The following ADAMTSL1 variants were observed in gnomAD, a reference collection of about 807,000 sequenced individuals.
The protein encoded by ADAMTSL1 is ADAMTS-like protein 1.
In ADAMTSL1, 126 loss-of-function variants were observed where a neutral mutation model predicts 201.8. The ratio of observed to expected loss-of-function variants is 0.62; its 90% CI spans 0.54 to 0.72. The LOEUF is 0.72. Among genes scored for constraint, ADAMTSL1 ranks in the 30% least tolerant of loss-of-function variants. ADAMTSL1 has a pLI of 0.00. For missense variants in ADAMTSL1, 2,679 were observed against 2,277.8 expected, an observed-to-expected ratio of 1.18 and a Z score of -3.59; for synonymous variants, 1,121 against 903.4, an observed-to-expected ratio of 1.24 and a Z score of -4.32.
At chr9:18,325,898 G>A (rs112166568) in intron 2 of ADAMTSL1, among the ~76,000 whole-genome samples, 6,055 of 152,164 alleles carry the variant, frequency 0.04, 408 homozygotes, top group African/African-American at 0.14. Flanking sequence ...GCACCACTAC[G>A]CCTGGCTAAT....
At chr9:18,177,721 G>A (rs755730938) in intron 2 of ADAMTSL1, among the ~76,000 whole-genome samples, 1 of 152,104 alleles carries the variant, frequency 6.6e-6, no homozygotes, top group Non-Finnish European at 1.5e-5. Context: ...GCTTGTAAGA[G>A]ATCTTCCGGT....
intron 7 of ADAMTSL1, among the ~76,000 whole-genome samples, chr9:18,654,435 G>A (rs538603719): frequency 6.6e-6 from 1 of 152,292 alleles, no homozygotes; most frequent in African/African-American, 2.4e-5. Flanking sequence ...TAATTCAATT[G>A]TGTGTTCATT....
At chr9:18,293,400 A>T (rs547391025) in intron 2 of ADAMTSL1, among the ~76,000 whole-genome samples, 1 of 152,234 alleles carries the variant, frequency 6.6e-6, no homozygotes, top group Non-Finnish European at 1.5e-5. Context: ...GGCATATGTC[A>T]TCAAGAACTG....
chr9:18,612,737 C>G (rs529456093), intron 4 of ADAMTSL1, among the ~76,000 whole-genome samples: 6 of 152,274 alleles, frequency 3.9e-5, no homozygotes, highest in African/African-American at 1.4e-4. Flanking sequence ...GGATTAAAGA[C>G]TTAAGTGTAA....
intron 9 of ADAMTSL1, among the ~76,000 whole-genome samples, chr9:18,675,511 A>G (rs1364524045): frequency 6.6e-6 from 1 of 152,174 alleles, no homozygotes; most frequent in Non-Finnish European, 1.5e-5. Context: ...GATAATAATA[A>G]TGACCTCATA....
chr9:17,965,195 A>G (rs115485270), intron 1 of ADAMTSL1, among the ~76,000 whole-genome samples: 3,108 of 152,296 alleles, frequency 0.02, 103 homozygotes, highest in African/African-American at 0.072. Flanking sequence ...TTTCTGGCAT[A>G]TATTTCAATA....
chr9:17,947,577 T>C (rs889891705), intron 1 of ADAMTSL1, among the ~76,000 whole-genome samples: 11 of 152,172 alleles, frequency 7.2e-5, no homozygotes, highest in Admixed American at 7.2e-4. Context: ...CAATTGCAGT[T>C]GCAATTGCAA....
intron 9 of ADAMTSL1, among the ~76,000 whole-genome samples, chr9:18,664,008 G>C (rs1340040908): frequency 6.6e-6 from 1 of 152,062 alleles, no homozygotes; most frequent in Non-Finnish European, 1.5e-5. Flanking sequence ...TGTTGGGACA[G>C]TTGGCTATGT....
chr9:18,384,369 C>T (rs1009405877), intron 2 of ADAMTSL1, among the ~76,000 whole-genome samples: 3 of 152,262 alleles, frequency 2.0e-5, no homozygotes, highest in Admixed American at 1.3e-4. Context: ...AATCACCTCT[C>T]ACCAGGTCCC....
intron 1 of ADAMTSL1, among the ~76,000 whole-genome samples, chr9:18,087,857 C>G (rs1015775044): frequency 4.6e-5 from 7 of 152,110 alleles, no homozygotes; most frequent in Non-Finnish European, 1.0e-4. Flanking sequence ...GTATTAGTCA[C>G]TTATCTGTCC....
intron 2 of ADAMTSL1, among the ~76,000 whole-genome samples, chr9:18,388,517 GCCTGCC>G: frequency 6.6e-6 from 1 of 152,024 alleles, no homozygotes; most frequent in South Asian, 2.1e-4. Context: ...CAAGTGTTCT[GCCTGCC>G]TTTGCCTTCC....
intron 23 of ADAMTSL1, among the ~76,000 whole-genome samples, chr9:18,885,214 G>A (rs1193484101): frequency 6.6e-6 from 1 of 152,172 alleles, no homozygotes; most frequent in East Asian, 1.9e-4. Context: ...AGGGAGGAAA[G>A]CTTTGTCTTC....
chr9:18,879,601 T>C (rs576004328), intron 23 of ADAMTSL1, among the ~76,000 whole-genome samples: 1 of 152,312 alleles, frequency 6.6e-6, no homozygotes, highest in East Asian at 1.9e-4. Flanking sequence ...GCAACACCAA[T>C]ACATCTAAAA....
chr9:17,943,914 A>T (rs1305975382), intron 1 of ADAMTSL1, among the ~76,000 whole-genome samples: 2 of 152,066 alleles, frequency 1.3e-5, no homozygotes, highest in African/African-American at 4.8e-5. Flanking sequence ...GAACAGGCAC[A>T]TTACATGGCC....
chr9:18,306,629 G>C (rs1283302838), intron 2 of ADAMTSL1, among the ~76,000 whole-genome samples: 1 of 152,070 alleles, frequency 6.6e-6, no homozygotes. Flanking sequence ...AGACCATGAA[G>C]ACAAGATTAG....
intron 2 of ADAMTSL1, among the ~76,000 whole-genome samples, chr9:18,260,552 C>G (rs1831878137): frequency 6.6e-6 from 1 of 152,238 alleles, no homozygotes; most frequent in Non-Finnish European, 1.5e-5. Context: ...TCAGGCTCAC[C>G]ATTGGCCATC....
chr9:18,890,035 T>C (rs1443660797), intron 25 of ADAMTSL1, among the ~76,000 whole-genome samples: 1 of 152,130 alleles, frequency 6.6e-6, no homozygotes, highest in African/African-American at 2.4e-5. Flanking sequence ...TCCCAGGCCC[T>C]GGCAAGCCAT....
At chr9:17,934,045 C>A (rs961111967) in intron 1 of ADAMTSL1, among the ~76,000 whole-genome samples, 1 of 152,164 alleles carries the variant, frequency 6.6e-6, no homozygotes, top group South Asian at 2.1e-4. Context: ...GCTCTCACTG[C>A]AGTGGGAATG....
intron 2 of ADAMTSL1, among the ~76,000 whole-genome samples, chr9:18,298,202 A>T (rs1833550693): frequency 6.6e-6 from 1 of 152,222 alleles, no homozygotes; most frequent in South Asian, 2.1e-4. Flanking sequence ...TCCAATTAAG[A>T]TAAAGGTATG....
Sources: gnomAD v4.1 joint callset for allele counts (sites outside exome capture counted in the v4.1 genomes callset) on GRCh38, gnomAD v4.1.1 for gene constraint, MANE v1.5 for transcripts, NCBI Gene and HGNC (gene_info 2026-07-23, HGNC 2026-07-21) for gene names.